Variants in TRDN observed in about 807,000 individuals in gnomAD.
TRDN encodes triadin in skeletal muscle.
Under a neutral mutation model 149.7 loss-of-function variants are expected in TRDN, and 161 were observed. The ratio of observed to expected loss-of-function variants is 1.08; its 90% CI spans 0.95 to 1.23. TRDN has a LOEUF of 1.23. Among genes scored for constraint, TRDN ranks in the 50% most tolerant of loss-of-function variants. The pLI is 0.00. For synonymous variants in TRDN, 294 were observed against 250.5 expected, an observed-to-expected ratio of 1.17 and a Z score of -1.64; for missense variants, 896 against 823.5, an observed-to-expected ratio of 1.09 and a Z score of -1.08.
rs1235597034 is a variant in TRDN, at chr6:123,366,390, G to A, written c.1274-208C>T. 1.3e-5 allele frequency among the ~76,000 whole-genome samples: 2 copies of A among 152,058 alleles called. 1 individual carries two copies. Among genetic ancestry groups the A allele is most frequent in the Admixed American group, 1.3e-4 (2 of 15,274 alleles). ...TAGCAATAAAGAAATTCTCTTCCAA[G>A]GTGCAACTCTATTATCTTAAAAATG... is the stretch of plus-strand genomic sequence containing the variant. On this transcript the variant is annotated intron_variant, in intron 19 of 40. Coordinates refer to ENST00000334268, the MANE Select transcript of TRDN (RefSeq NM_006073.4).
At chr6:123,514,296 A>C (rs920114464) in intron 6 of TRDN, among the ~76,000 whole-genome samples, 57 of 152,222 alleles carry the variant, frequency 3.7e-4, no homozygotes, top group African/African-American at 1.3e-3. Context: ...CAGAGGTTGC[A>C]GTGAGCCAAG....
chr6:123,554,707 G>A (rs1025615335), intron 2 of TRDN, among the ~76,000 whole-genome samples: 4 of 151,994 alleles, frequency 2.6e-5, no homozygotes, highest in African/African-American at 7.2e-5. Flanking sequence ...CCATCCCACC[G>A]CCTAAGTTGG....
At chr6:123,544,795 A>G (rs1254102769) in intron 4 of TRDN, among the ~76,000 whole-genome samples, 1 of 152,034 alleles carries the variant, frequency 6.6e-6, no homozygotes, top group Non-Finnish European at 1.5e-5. Context: ...ATATAAAGAC[A>G]CTAGGTACTA....
chr6:123,448,999 G>A (rs765791511), intron 10 of TRDN, among the ~76,000 whole-genome samples: 8 of 152,102 alleles, frequency 5.3e-5, no homozygotes, highest in Non-Finnish European at 1.2e-4. Context: ...CTCACAGGAA[G>A]CCACATCCAT....
At chr6:123,283,198 A>G (rs1484491145) in intron 24 of TRDN, among the ~76,000 whole-genome samples, 1 of 151,974 alleles carries the variant, frequency 6.6e-6, no homozygotes, top group East Asian at 1.9e-4. Flanking sequence ...GAAATTAAAT[A>G]ACATGCTTCT....
intron 24 of TRDN, among the ~76,000 whole-genome samples, chr6:123,301,772 T>TATATATATAC (rs1778430979): frequency 7.2e-5 from 9 of 124,862 alleles, no homozygotes; most frequent in Non-Finnish European, 1.5e-4. Flanking sequence ...TATATATACA[T>TATATATATAC]ATATATATAT....
In TRDN at chr6:123,530,530, G is replaced by T; in HGVS notation, c.460C>A (p.Pro154Thr). 8.0e-7 allele frequency: 1 copy of T among 1,248,668 alleles called. No homozygotes were observed. Among genetic ancestry groups the T allele is most frequent in the Non-Finnish European group, 1.1e-6 (1 of 933,268 alleles). The allele number at this position is 1,248,668 out of a possible 1,614,324, so 77.3% of individuals were successfully genotyped here. The change falls in exon 5 of 41, where the codon CCT becomes ACT. Residue 154 changes from proline to threonine, a missense_variant. Coordinates refer to ENST00000334268, the MANE Select transcript of TRDN (RefSeq NM_006073.4). ...HKDKTEKQEK[P>T]ERKIQTKVTH... ...CCTTTAGTTTGTATTTTCCTTTCAG[G>T]TTTCTCTTGTTTTTCAGTCTTATCT...
chr6:123,392,449 C>G (rs1772527460), intron 13 of TRDN, among the ~76,000 whole-genome samples: 1 of 151,976 alleles, frequency 6.6e-6, no homozygotes, highest in African/African-American at 2.4e-5. Context: ...TTGTGGTTTT[C>G]TATGAAAACA....
intron 24 of TRDN, among the ~76,000 whole-genome samples, chr6:123,291,192 TAA>T (rs1582829140): frequency 6.6e-6 from 1 of 152,164 alleles, no homozygotes; most frequent in East Asian, 1.9e-4. Flanking sequence ...AAGCATATAA[TAA>T]AAGAGTAATT....
At chr6:123,509,960 G>T (rs1284499736) in intron 7 of TRDN, 1 of 151,874 alleles carries the variant, frequency 6.6e-6, no homozygotes, top group Admixed American at 6.6e-5. Context: ...TCTCTCTAGA[G>T]GTCACTTTCT....
chr6:123,268,979 A>G (rs1777113789), intron 31 of TRDN, among the ~76,000 whole-genome samples: 1 of 151,904 alleles, frequency 6.6e-6, no homozygotes. Context: ...AACCACTTAT[A>G]TGTATTCCTA....
chr6:123,289,719 G>C (rs1222968307), intron 24 of TRDN, among the ~76,000 whole-genome samples: 1 of 152,034 alleles, frequency 6.6e-6, no homozygotes, highest in Non-Finnish European at 1.5e-5. Context: ...CTGCAAAACT[G>C]CCCTGAGCTG....
chr6:123,329,214 G>A (rs1422467596), intron 23 of TRDN, among the ~76,000 whole-genome samples: 1 of 152,048 alleles, frequency 6.6e-6, no homozygotes, highest in Non-Finnish European at 1.5e-5. Flanking sequence ...CCAGATTTAA[G>A]AGAATAAATT....
chr6:123,439,391 A>G (rs1461351697), intron 10 of TRDN, among the ~76,000 whole-genome samples: 2 of 152,192 alleles, frequency 1.3e-5, no homozygotes, highest in Non-Finnish European at 2.9e-5. Flanking sequence ...AGAAGAATTA[A>G]TATTTGTTTT....
chr6:123,467,678 A>G (rs1472845010), intron 9 of TRDN, among the ~76,000 whole-genome samples: 1 of 152,204 alleles, frequency 6.6e-6, no homozygotes, highest in Non-Finnish European at 1.5e-5. Context: ...TCATACTTGA[A>G]CATGACACAC....
At chr6:123,433,251 G>T (rs560400256) in intron 12 of TRDN, among the ~76,000 whole-genome samples, 3 of 148,658 alleles carry the variant, frequency 2.0e-5, no homozygotes, top group Non-Finnish European at 4.5e-5. Flanking sequence ...TTTAAATGCT[G>T]TCTCTCAGAG....
At chr6:123,464,156 C>T in intron 10 of TRDN, 1 of 678,654 alleles carries the variant, frequency 1.5e-6, no homozygotes, top group Non-Finnish European at 1.8e-6. Context: ...CTATTCATCT[C>T]TGAATCCCCA....
intron 27 of TRDN, 84 bp from the exon 28 acceptor site, chr6:123,273,447 A>C: frequency 1.4e-6 from 1 of 696,122 alleles, no homozygotes; most frequent in African/African-American, 1.9e-5. Flanking sequence ...GTTATTGTAA[A>C]TAGAACTAGG....
intron 10 of TRDN, among the ~76,000 whole-genome samples, chr6:123,450,535 C>A (rs553602979): frequency 8.6e-5 from 13 of 151,992 alleles, no homozygotes; most frequent in Non-Finnish European, 1.6e-4. Context: ...AGGTCTTGTC[C>A]AACAGGAAAA....
Sources: allele counts gnomAD v4.1 joint callset (sites outside exome capture counted in the v4.1 genomes callset), GRCh38; gene constraint gnomAD v4.1.1; transcripts MANE v1.5; gene names NCBI Gene and HGNC (gene_info 2026-07-23, HGNC 2026-07-21).